Variants in MAP2K4 observed in about 807,000 individuals in gnomAD.
MAP2K4 encodes mitogen-activated protein kinase kinase 4.
In MAP2K4, 4 loss-of-function variants were observed where a neutral mutation model predicts 48.5. The observed-to-expected ratio is 0.08, with a 90% CI of 0.04 to 0.19. The LOEUF is 0.19. MAP2K4 is among the 10% of genes least tolerant of loss of function. The pLI is 1.00. For synonymous variants in MAP2K4, 166 were observed against 173.1 expected, an observed-to-expected ratio of 0.96 and a Z score of 0.32; for missense variants, 258 against 493.3, an observed-to-expected ratio of 0.52 and a Z score of 4.52.
intron 2 of MAP2K4, among the ~76,000 whole-genome samples, chr17:12,055,858 A>G (rs1173789306): frequency 6.6e-6 from 1 of 152,100 alleles, no homozygotes; most frequent in Non-Finnish European, 1.5e-5. Flanking sequence ...GTAGCCTTAG[A>G]GGGAATGAAA....
Position 12,022,559 on chromosome 17 carries a change from T to C in MAP2K4, c.115+1558T>C, listed in dbSNP as rs368690112. On this transcript the variant is annotated intron_variant, in intron 1 of 10. Transcript: ENST00000353533. ...GCTTATAAAAACAAGGTGATTTGTT[T>C]GTTTGTTTTATTGGTGGGGAGGCTG... Among the ~76,000 whole-genome samples the C allele has an allele frequency of 3.9e-5, 6 of 152,188 alleles. No individual in the cohort carries two copies. The East Asian group carries it at 1.2e-3, about 29-fold the overall frequency.
At chr17:12,055,933 C>CTGG (rs1189414950) in intron 2 of MAP2K4, among the ~76,000 whole-genome samples, 1 of 152,034 alleles carries the variant, frequency 6.6e-6, no homozygotes, top group Non-Finnish European at 1.5e-5. Context: ...TTTTATTAGA[C>CTGG]TGGTGTTCAT....
At chr17:12,044,438 T>C (rs1339251092) in intron 1 of MAP2K4, among the ~76,000 whole-genome samples, 2 of 152,256 alleles carry the variant, frequency 1.3e-5, no homozygotes, top group Non-Finnish European at 2.9e-5. Flanking sequence ...TAATTACTTA[T>C]GACTTATGAC....
intron 6 of MAP2K4, among the ~76,000 whole-genome samples, chr17:12,112,417 T>C (rs2151576871): frequency 6.9e-6 from 1 of 145,964 alleles, no homozygotes; most frequent in East Asian, 2.0e-4. Context: ...GAGTGGGGAT[T>C]GCACCACTGC....
chr17:12,021,055 C>A, intron 1 of MAP2K4, 54 bp downstream of exon 1: 1 of 1,088,688 alleles, frequency 9.2e-7, no homozygotes, highest in South Asian at 4.6e-5. Context: ...CAACCCGCGT[C>A]GTCGCGGCCT....
At chr17:12,027,062 G>A (rs1969274710) in intron 1 of MAP2K4, 1 of 152,116 alleles carries the variant, frequency 6.6e-6, no homozygotes, top group African/African-American at 2.4e-5. Context: ...TTGTAATCTG[G>A]GCAAATTACT....
chr17:12,074,472 T>C (rs933895871), intron 2 of MAP2K4, among the ~76,000 whole-genome samples: 10 of 152,200 alleles, frequency 6.6e-5, no homozygotes, highest in Non-Finnish European at 1.3e-4. Flanking sequence ...GCCTTACTAG[T>C]AAGGTAAAAT....
At chr17:12,135,769 C>T (rs898995427) in intron 9 of MAP2K4, among the ~76,000 whole-genome samples, 2 of 149,532 alleles carry the variant, frequency 1.3e-5, no homozygotes, top group South Asian at 2.1e-4. Flanking sequence ...AGGCTAGTCT[C>T]GAACTCCTGA....
At chr17:12,041,469 C>A (rs927235708) in intron 1 of MAP2K4, among the ~76,000 whole-genome samples, 1 of 152,102 alleles carries the variant, frequency 6.6e-6, no homozygotes, top group Non-Finnish European at 1.5e-5. Flanking sequence ...GTGGAGTATA[C>A]AAAAGATCGC....
intron 4 of MAP2K4, among the ~76,000 whole-genome samples, chr17:12,104,729 A>T (rs1204152440): frequency 1.3e-5 from 2 of 152,024 alleles, no homozygotes; most frequent in African/African-American, 4.8e-5. Flanking sequence ...TTGTTTATAC[A>T]CAAGTGTTCA....
At chr17:12,088,599 T>TATAATATATAATATATATTAAA (rs1157183985) in intron 3 of MAP2K4, among the ~76,000 whole-genome samples, 36 of 131,194 alleles carry the variant, frequency 2.7e-4, no homozygotes, top group South Asian at 1.2e-3. Context: ...ATTAAATATA[T>TATAATATATAATATATATTAAA]TATATATAAT....
chr17:12,135,805 C>G (rs1382451007), intron 9 of MAP2K4, among the ~76,000 whole-genome samples: 1 of 152,222 alleles, frequency 6.6e-6, no homozygotes. Flanking sequence ...CTGCCTCAGC[C>G]TCCCAAAGTT....
At chr17:12,031,225 T>A (rs1346496832) in intron 1 of MAP2K4, among the ~76,000 whole-genome samples, 1 of 152,164 alleles carries the variant, frequency 6.6e-6, no homozygotes, top group Non-Finnish European at 1.5e-5. Context: ...CCAAAGACAC[T>A]TTTCATGTCA....
chr17:12,076,557 A>C (rs1971016706), intron 2 of MAP2K4, among the ~76,000 whole-genome samples: 1 of 152,250 alleles, frequency 6.6e-6, no homozygotes, highest in Non-Finnish European at 1.5e-5. Context: ...CTCTGATATC[A>C]AAATATAATT....
rs1242889701 is a variant in MAP2K4, at chr17:12,142,184, A to G, written c.*924A>G. On this transcript the variant is annotated 3_prime_UTR_variant, in exon 11 of 11. Coordinates refer to ENST00000353533, the MANE Select transcript of MAP2K4 (RefSeq NM_003010.4). ...TTATCTGGAACAACTTGTAGCAGCT[A>G]TATATTTCCCCTTGGTCCCAAGCCT... 1.3e-5 allele frequency: 3 copies of G among 233,448 alleles called. No homozygotes were observed. The highest frequency in any genetic ancestry group is 2.2e-5 in the African/African-American group (1 of 45,338). The allele number at this position is 233,448 out of a possible 1,614,324, so 14.5% of individuals were successfully genotyped here.
intron 2 of MAP2K4, among the ~76,000 whole-genome samples, chr17:12,061,465 G>T (rs1422715449): frequency 3.3e-5 from 5 of 152,188 alleles, no homozygotes; most frequent in Admixed American, 3.3e-4. Flanking sequence ...AGGAGTGGTA[G>T]AACTGATTTT....
chr17:12,083,433 T>A (rs1198448257), intron 3 of MAP2K4, among the ~76,000 whole-genome samples: 1 of 152,212 alleles, frequency 6.6e-6, no homozygotes, highest in Non-Finnish European at 1.5e-5. Context: ...TGAAGAACTT[T>A]CAAGGCAGTC....
chr17:12,088,537 T>A (rs1486571535), intron 3 of MAP2K4, among the ~76,000 whole-genome samples: 7 of 81,342 alleles, frequency 8.6e-5, no homozygotes, highest in Non-Finnish European at 2.0e-4. Flanking sequence ...ATAATATATA[T>A]TAAATTATAT....
At position 12,035,738 on chromosome 17, in the gene MAP2K4, A is replaced by G. The variant is rs549947299; in HGVS notation, c.115+14737A>G. On this transcript the variant is annotated intron_variant, in intron 1 of 10. Coordinates refer to ENST00000353533, the MANE Select transcript of MAP2K4 (RefSeq NM_003010.4). ...TGTAGGAGGGTATGGGGCAAAGAGC[A>G]TGAAATTAGATATCATTCAAGTCTG... is the stretch of plus-strand genomic sequence containing the variant. 3.3e-5 allele frequency among the ~76,000 whole-genome samples: 5 copies of G among 152,338 alleles called. No homozygotes were observed. The East Asian group carries it at 9.6e-4, about 29-fold the overall frequency.
Sources: allele counts gnomAD v4.1 joint callset (sites outside exome capture counted in the v4.1 genomes callset), GRCh38; gene constraint gnomAD v4.1.1; transcripts MANE v1.5; gene names NCBI Gene and HGNC (gene_info 2026-07-23, HGNC 2026-07-21).